TAFA2: variants seen among roughly 807,000 people sequenced by gnomAD.
TAFA2 encodes TAFA chemokine like family member 2.
TAFA2 carries 7 observed loss-of-function variants against 18.8 expected under a neutral mutation model. That is an observed-to-expected ratio of 0.37 (90% CI 0.21 to 0.70). The LOEUF (loss-of-function observed/expected upper bound fraction) is 0.70, where lower values mean the gene tolerates loss of function less well. TAFA2 is among the 30% of genes least tolerant of loss of function. The probability of loss-of-function intolerance (pLI) is 0.53; values close to 1 mark genes in which losing one functional copy is unlikely to be tolerated. For missense variants in TAFA2, 122 were observed against 158.1 expected, an observed-to-expected ratio of 0.77 and a Z score of 1.23; for synonymous variants, 60 against 54.2, an observed-to-expected ratio of 1.11 and a Z score of -0.47.
intron 1 of TAFA2, among the ~76,000 whole-genome samples, chr12:62,162,114 G>C (rs1300514694): frequency 6.6e-6 from 1 of 152,052 alleles, no homozygotes; most frequent in African/African-American, 2.4e-5. Context: ...TTAAGACTCA[G>C]GAATGTCTTT....
intron 2 of TAFA2, among the ~76,000 whole-genome samples, chr12:61,768,433 G>A (rs1869880792): frequency 6.6e-6 from 1 of 152,128 alleles, no homozygotes; most frequent in Non-Finnish European, 1.5e-5. Flanking sequence ...CAGGAAAGCT[G>A]AGAGAATTCA....
At chr12:61,815,625 T>C (rs1286560278) in intron 2 of TAFA2, among the ~76,000 whole-genome samples, 1 of 149,188 alleles carries the variant, frequency 6.7e-6, no homozygotes, top group Non-Finnish European at 1.5e-5. Context: ...ATCGTGCCAC[T>C]GCACTCCAGC....
intron 1 of TAFA2, among the ~76,000 whole-genome samples, chr12:62,006,905 AG>A (rs35115223): frequency 0.19 from 29,535 of 152,162 alleles, 3,086 homozygotes; most frequent in African/African-American, 0.26. Flanking sequence ...GACATCTGCA[AG>A]TTACTTAAAC....
At chr12:61,913,786 C>G (rs2121348510) in intron 1 of TAFA2, among the ~76,000 whole-genome samples, 1 of 152,284 alleles carries the variant, frequency 6.6e-6, no homozygotes, top group South Asian at 2.1e-4. Context: ...ACATATGCTT[C>G]AAAGGCAATA....
chr12:61,769,565 C>T (rs1869937294), intron 2 of TAFA2, among the ~76,000 whole-genome samples: 1 of 152,072 alleles, frequency 6.6e-6, no homozygotes, highest in South Asian at 2.1e-4. Flanking sequence ...CATCACAGGA[C>T]TCTTTGAAGA....
intron 1 of TAFA2, among the ~76,000 whole-genome samples, chr12:62,039,358 T>C (rs1026559903): frequency 2.0e-5 from 3 of 152,190 alleles, no homozygotes; most frequent in African/African-American, 7.2e-5. Context: ...AATAGGTTCT[T>C]CATTCCTAAT....
At chr12:61,997,727 G>T (rs1279983383) in intron 1 of TAFA2, among the ~76,000 whole-genome samples, 1 of 151,410 alleles carries the variant, frequency 6.6e-6, no homozygotes, top group Non-Finnish European at 1.5e-5. Context: ...AAGGGAAGAA[G>T]AAACCATTCC....
chr12:62,137,262 G>A (rs941826718), intron 1 of TAFA2, among the ~76,000 whole-genome samples: 2 of 152,076 alleles, frequency 1.3e-5, no homozygotes, highest in Non-Finnish European at 2.9e-5. Context: ...TCATATATAA[G>A]CTAATGAGGA....
chr12:62,067,465 T>G (rs1882520323), intron 1 of TAFA2, among the ~76,000 whole-genome samples: 1 of 152,122 alleles, frequency 6.6e-6, no homozygotes, highest in South Asian at 2.1e-4. Flanking sequence ...ATTTAAGTCT[T>G]TAATCCACTT....
chr12:61,732,325 T>C (rs1870490646), intron 4 of TAFA2, among the ~76,000 whole-genome samples: 1 of 152,160 alleles, frequency 6.6e-6, no homozygotes, highest in South Asian at 2.1e-4. Context: ...TTTGTTCATT[T>C]GTCTGTTTAC....
chr12:61,841,965 G>A (rs1281450811), intron 2 of TAFA2, among the ~76,000 whole-genome samples: 2 of 151,994 alleles, frequency 1.3e-5, no homozygotes, highest in Non-Finnish European at 1.5e-5. Context: ...ACCAAATAGA[G>A]CCCAGACAAA....
chr12:62,154,399 T>C (rs1248601054), intron 1 of TAFA2, among the ~76,000 whole-genome samples: 1 of 152,194 alleles, frequency 6.6e-6, no homozygotes, highest in East Asian at 1.9e-4. Flanking sequence ...GCTACATTTA[T>C]GTCACATGCT....
chr12:61,966,641 T>C (rs1221350755), intron 1 of TAFA2, among the ~76,000 whole-genome samples: 1 of 151,920 alleles, frequency 6.6e-6, no homozygotes, highest in Non-Finnish European at 1.5e-5. Context: ...ATCAAGTCTG[T>C]GGCTGAGCAA....
intron 1 of TAFA2, among the ~76,000 whole-genome samples, chr12:62,106,646 C>G (rs1869468250): frequency 6.6e-6 from 1 of 152,188 alleles, no homozygotes; most frequent in Non-Finnish European, 1.5e-5. Context: ...TGATGAGAAT[C>G]TGTAGAGTAA....
intron 1 of TAFA2, among the ~76,000 whole-genome samples, chr12:62,208,652 T>C (rs1485990245): frequency 2.0e-5 from 3 of 152,238 alleles, no homozygotes; most frequent in South Asian, 2.1e-4. Flanking sequence ...ATATAATGAA[T>C]AGAATAGTCT....
intron 1 of TAFA2, among the ~76,000 whole-genome samples, chr12:62,090,518 G>A (rs529280288): frequency 3.2e-4 from 49 of 152,116 alleles, no homozygotes; most frequent in African/African-American, 1.2e-3. Flanking sequence ...TTTGGAAAGA[G>A]AAAGAGTGCC....
intron 1 of TAFA2, among the ~76,000 whole-genome samples, chr12:62,219,012 A>T (rs2062749145): frequency 6.6e-6 from 1 of 152,204 alleles, no homozygotes; most frequent in African/African-American, 2.4e-5. Flanking sequence ...ATTAGAAAAG[A>T]TGAGGACAAA....
intron 1 of TAFA2, among the ~76,000 whole-genome samples, chr12:62,223,057 A>C (rs1469245954): frequency 6.6e-6 from 1 of 152,212 alleles, no homozygotes; most frequent in Non-Finnish European, 1.5e-5. Flanking sequence ...GATTAGAAAG[A>C]CTCAGCTGTA....
intron 1 of TAFA2, among the ~76,000 whole-genome samples, chr12:62,040,035 TG>T (rs1481360562): frequency 6.6e-6 from 1 of 152,150 alleles, no homozygotes; most frequent in African/African-American, 2.4e-5. Context: ...AAGAATGCTG[TG>T]GGAGAACACA....
Sources: allele counts gnomAD v4.1 joint callset (sites outside exome capture counted in the v4.1 genomes callset), GRCh38; gene constraint gnomAD v4.1.1; transcripts MANE v1.5; gene names NCBI Gene and HGNC (gene_info 2026-07-23, HGNC 2026-07-21).